ZBTB7C: variants seen among roughly 807,000 people sequenced by gnomAD.
ZBTB7C encodes zinc finger and BTB domain containing 7C.
A neutral mutation model predicts 25.7 loss-of-function variants in ZBTB7C; 8 were observed. The ratio of observed to expected loss-of-function variants is 0.31; its 90% CI spans 0.18 to 0.56. ZBTB7C has a LOEUF of 0.56. Among genes scored for constraint, ZBTB7C ranks in the 20% least tolerant of loss-of-function variants. The pLI is 0.91. For synonymous variants in ZBTB7C, 394 were observed against 369.0 expected (o/e 1.07, Z -0.78); for missense variants, 824 against 855.2 (o/e 0.96, Z 0.46).
chr18:48,129,435 C>CTCCCTGAT (rs2039917050), intron 3 of ZBTB7C, among the ~76,000 whole-genome samples: 1 of 151,954 alleles, frequency 6.6e-6, no homozygotes, highest in Non-Finnish European at 1.5e-5. Flanking sequence ...CTGAGGAGCC[C>CTCCCTGAT]TCCCTGATCA....
At chr18:48,209,845 T>G (rs1007267609) in intron 2 of ZBTB7C, among the ~76,000 whole-genome samples, 1 of 152,098 alleles carries the variant, frequency 6.6e-6, no homozygotes, top group Non-Finnish European at 1.5e-5. Context: ...TTTAAAACTT[T>G]TGGGTTTTAA....
intron 3 of ZBTB7C, among the ~76,000 whole-genome samples, chr18:48,083,167 A>G (rs1568204248): frequency 6.6e-6 from 1 of 152,032 alleles, no homozygotes; most frequent in African/African-American, 2.4e-5. Context: ...TTTCTATTCT[A>G]TTCTTCTTTT....
intron 2 of ZBTB7C, among the ~76,000 whole-genome samples, chr18:48,265,444 G>A (rs75596399): frequency 0.018 from 2,758 of 152,194 alleles, 22 homozygotes; most frequent in African/African-American, 0.028. Context: ...TCGGATTTTC[G>A]CTTAAGCTGG....
chr18:48,207,329 T>C (rs944434524), intron 2 of ZBTB7C, among the ~76,000 whole-genome samples: 3 of 152,190 alleles, frequency 2.0e-5, no homozygotes, highest in South Asian at 2.1e-4. Flanking sequence ...CCAGAAAAGA[T>C]ATTTATGTAC....
chr18:48,283,651 T>G (rs578208114), intron 2 of ZBTB7C, among the ~76,000 whole-genome samples: 1 of 152,322 alleles, frequency 6.6e-6, no homozygotes, highest in South Asian at 2.1e-4. Context: ...TCAAAATACA[T>G]GAATTTGAGT....
chr18:48,138,183 A>G (rs376187138), intron 3 of ZBTB7C, among the ~76,000 whole-genome samples: 47 of 152,404 alleles, frequency 3.1e-4, no homozygotes, highest in African/African-American at 9.4e-4. Flanking sequence ...CCGGCAGGCC[A>G]TGAGCCTTAA....
chr18:48,228,135 T>C (rs2043152502), intron 2 of ZBTB7C, among the ~76,000 whole-genome samples: 1 of 152,088 alleles, frequency 6.6e-6, no homozygotes, highest in African/African-American at 2.4e-5. Flanking sequence ...GCATGCTCAA[T>C]GGCATGGCTC....
At chr18:48,130,666 G>A (rs2039959689) in intron 3 of ZBTB7C, among the ~76,000 whole-genome samples, 1 of 151,968 alleles carries the variant, frequency 6.6e-6, no homozygotes, top group African/African-American at 2.4e-5. Flanking sequence ...ATAAAATTTT[G>A]TGCAGAACCA....
intron 3 of ZBTB7C, among the ~76,000 whole-genome samples, chr18:48,055,107 T>A (rs2036859006): frequency 6.6e-6 from 1 of 151,818 alleles, no homozygotes; most frequent in African/African-American, 2.4e-5. Context: ...TAGGAACCAA[T>A]AAAGAACCTA....
chr18:48,382,000 C>T (rs2047643146), intron 1 of ZBTB7C, among the ~76,000 whole-genome samples: 1 of 152,142 alleles, frequency 6.6e-6, no homozygotes, highest in African/African-American at 2.4e-5. Context: ...CATATAACTA[C>T]GGAAAAGGCT....
chr18:48,299,392 A>C (rs2045485372), intron 2 of ZBTB7C, among the ~76,000 whole-genome samples: 1 of 152,232 alleles, frequency 6.6e-6, no homozygotes, highest in South Asian at 2.1e-4. Context: ...CTGTTTCTCC[A>C]TTTGATCACA....
At chr18:48,279,634 T>A (rs866631670) in intron 2 of ZBTB7C, among the ~76,000 whole-genome samples, 7 of 152,186 alleles carry the variant, frequency 4.6e-5, no homozygotes, top group South Asian at 2.1e-4. Flanking sequence ...CAAAATGGCC[T>A]GCACTTGGCT....
At chr18:48,166,693 G>A (rs2041256888) in intron 3 of ZBTB7C, among the ~76,000 whole-genome samples, 1 of 152,190 alleles carries the variant, frequency 6.6e-6, no homozygotes, top group Non-Finnish European at 1.5e-5. Context: ...GGGCCAAGGA[G>A]TGACCCCCAA....
At chr18:48,097,413 T>TTATTATTAC (rs2038677812) in intron 3 of ZBTB7C, among the ~76,000 whole-genome samples, 2 of 149,170 alleles carry the variant, frequency 1.3e-5, no homozygotes, top group African/African-American at 4.9e-5. Context: ...ATTATTATTA[T>TTATTATTAC]TGAGACAGAG....
intron 4 of ZBTB7C, 69 bp downstream of exon 4, chr18:48,039,831 C>T: frequency 2.6e-6 from 4 of 1,539,722 alleles, no homozygotes; most frequent in Non-Finnish European, 8.9e-7. Flanking sequence ...CGCCAGCCTC[C>T]CTGCCCAACT....
At chr18:48,407,250 T>G (rs2048302387) in intron 1 of ZBTB7C, among the ~76,000 whole-genome samples, 1 of 152,216 alleles carries the variant, frequency 6.6e-6, no homozygotes, top group African/African-American at 2.4e-5. Flanking sequence ...AGTTCTGGCA[T>G]CCTATGGAAA....
intron 2 of ZBTB7C, among the ~76,000 whole-genome samples, chr18:48,254,407 C>T (rs943612237): frequency 6.6e-6 from 1 of 152,170 alleles, no homozygotes; most frequent in Admixed American, 6.5e-5. Context: ...TCTCCTTTCC[C>T]CGCTGCTATG....
chr18:48,167,967 G>T (rs955458847), intron 3 of ZBTB7C, among the ~76,000 whole-genome samples: 1 of 152,358 alleles, frequency 6.6e-6, no homozygotes, highest in Admixed American at 6.5e-5. Context: ...ATCCCTTTCA[G>T]AGTGTGGGGA....
intron 3 of ZBTB7C, among the ~76,000 whole-genome samples, chr18:48,074,404 C>T (rs1390878668): frequency 6.6e-6 from 1 of 152,238 alleles, no homozygotes; most frequent in East Asian, 1.9e-4. Flanking sequence ...GCCCCTTGCA[C>T]ATGAGAAGCA....
Sources: allele counts gnomAD v4.1 joint callset (sites outside exome capture counted in the v4.1 genomes callset), GRCh38; gene constraint gnomAD v4.1.1; transcripts MANE v1.5; gene names NCBI Gene and HGNC (gene_info 2026-07-23, HGNC 2026-07-21).